The following LRRC7 variants were observed in gnomAD, a reference collection of about 807,000 sequenced individuals.
The protein encoded by LRRC7 is leucine-rich repeat-containing protein 7.
LRRC7 carries 23 observed loss-of-function variants against 175.7 expected under a neutral mutation model. The ratio of observed to expected loss-of-function variants is 0.13; its 90% CI spans 0.09 to 0.19. The LOEUF (loss-of-function observed/expected upper bound fraction) is 0.19, where lower values mean the gene tolerates loss of function less well. Among genes scored for constraint, LRRC7 ranks in the 10% least tolerant of loss-of-function variants. The pLI, the probability that LRRC7 is intolerant of heterozygous loss-of-function variation, is 1.00. For synonymous variants in LRRC7, 685 were observed against 680.9 expected (o/e 1.01, Z -0.09); for missense variants, 1,354 against 1,904.7 (o/e 0.71, Z 5.38).
intron 23 of LRRC7, among the ~76,000 whole-genome samples, chr1:70,069,890 C>A (rs951325567): frequency 6.6e-6 from 1 of 152,118 alleles, no homozygotes; most frequent in African/African-American, 2.4e-5. Context: ...GCTGTTAAAC[C>A]TATTCACTGA....
chr1:69,678,152 T>A (rs1248272573), intron 1 of LRRC7, among the ~76,000 whole-genome samples: 1 of 151,988 alleles, frequency 6.6e-6, no homozygotes, highest in East Asian at 1.9e-4. Flanking sequence ...GTGCATAAGT[T>A]TCATACACAT....
intron 2 of LRRC7, among the ~76,000 whole-genome samples, chr1:69,729,065 C>A (rs1355393247): frequency 2.0e-5 from 3 of 152,152 alleles, no homozygotes; most frequent in Non-Finnish European, 2.9e-5. Context: ...ACCATCAGAT[C>A]TCATGAAAAC....
At position 70,078,196 on chromosome 1, in the gene LRRC7, A is replaced by G. The variant is rs564525503; in HGVS notation, c.4452+1898A>G. Among the ~76,000 whole-genome samples the G allele has an allele frequency of 1.7e-4, 26 of 152,308 alleles. No homozygotes were observed. The South Asian group carries it at 5.4e-3, about 32-fold the overall frequency. On this transcript the variant is annotated intron_variant, in intron 24 of 26. Coordinates refer to ENST00000651989, the MANE Select transcript of LRRC7 (RefSeq NM_001370785.2). ...TATCACATGCACCCCATGAATATAT[A>G]CAAATATCATTATGTATCAATAAAA...
chr1:69,721,233 C>A (rs1194785563), intron 2 of LRRC7, among the ~76,000 whole-genome samples: 1 of 151,832 alleles, frequency 6.6e-6, no homozygotes, highest in Non-Finnish European at 1.5e-5. Context: ...ATAGTTATTA[C>A]TCAAAGTCTG....
At chr1:69,928,516 C>T (rs529371842) in intron 7 of LRRC7, among the ~76,000 whole-genome samples, 44 of 152,294 alleles carry the variant, frequency 2.9e-4, no homozygotes, top group Non-Finnish European at 5.3e-4. Flanking sequence ...CAATGGTGGG[C>T]GCCCCTCCCC....
chr1:69,569,333 T>A (rs1435222350), intron 1 of LRRC7, among the ~76,000 whole-genome samples: 1 of 152,014 alleles, frequency 6.6e-6, no homozygotes, highest in Non-Finnish European at 1.5e-5. Flanking sequence ...GCTAGACAAC[T>A]CCTGCCCACA....
intron 7 of LRRC7, among the ~76,000 whole-genome samples, chr1:69,843,875 C>T (rs1383914771): frequency 6.6e-6 from 1 of 152,096 alleles, no homozygotes. Flanking sequence ...AAATAAATAT[C>T]ATTCTGAACC....
intron 2 of LRRC7, among the ~76,000 whole-genome samples, chr1:69,730,263 T>C (rs985196333): frequency 1.3e-5 from 2 of 152,244 alleles, no homozygotes; most frequent in African/African-American, 2.4e-5. Context: ...TGGTTACTTA[T>C]GTAAATTTCT....
chr1:69,899,577 C>T (rs1208354446), intron 7 of LRRC7, among the ~76,000 whole-genome samples: 2 of 152,196 alleles, frequency 1.3e-5, no homozygotes, highest in Non-Finnish European at 2.9e-5. Flanking sequence ...CTCAGTTCTG[C>T]CATTGTAAGC....
At chr1:69,904,260 AAG>A (rs1433832096) in intron 7 of LRRC7, among the ~76,000 whole-genome samples, 3 of 152,220 alleles carry the variant, frequency 2.0e-5, no homozygotes, top group East Asian at 3.8e-4. Flanking sequence ...CTTACAGAAA[AAG>A]AATTTTTGAG....
At chr1:69,904,714 T>C (rs1646242633) in intron 7 of LRRC7, among the ~76,000 whole-genome samples, 1 of 152,162 alleles carries the variant, frequency 6.6e-6, no homozygotes, top group Non-Finnish European at 1.5e-5. Context: ...TGTGCAGGTT[T>C]GTTATATAAG....
At chr1:69,609,245 C>A (rs1339858470) in intron 1 of LRRC7, among the ~76,000 whole-genome samples, 1 of 151,740 alleles carries the variant, frequency 6.6e-6, no homozygotes, top group African/African-American at 2.4e-5. Context: ...ATGATATACT[C>A]CAGTTATTTA....
chr1:69,944,956 G>A (rs1216023222), intron 8 of LRRC7, among the ~76,000 whole-genome samples: 1 of 151,892 alleles, frequency 6.6e-6, no homozygotes, highest in Non-Finnish European at 1.5e-5. Flanking sequence ...CATTCCATAT[G>A]TTGTCTCTTC....
chr1:69,913,431 A>T (rs976448066), intron 7 of LRRC7, among the ~76,000 whole-genome samples: 34 of 131,898 alleles, frequency 2.6e-4, no homozygotes, highest in Non-Finnish European at 5.1e-4. Context: ...CTGCCATCAG[A>T]CACTAGGTAT....
At chr1:69,590,362 C>A (rs983391085) in intron 1 of LRRC7, among the ~76,000 whole-genome samples, 9 of 152,090 alleles carry the variant, frequency 5.9e-5, no homozygotes, top group Admixed American at 4.6e-4. Flanking sequence ...GTGGTAGGTG[C>A]TCAAACAAGT....
chr1:69,568,975 A>C (rs1645618210), intron 1 of LRRC7, among the ~76,000 whole-genome samples: 1 of 152,118 alleles, frequency 6.6e-6, no homozygotes, highest in Admixed American at 6.5e-5. Flanking sequence ...GTTCCGCTGA[A>C]ATTAGGTTTA....
chr1:70,114,659 G>T lies in LRRC7; in HGVS notation c.4620+6833G>T, dbSNP rs370740582. ...GCTATGATAGAGCCATTGCACTCCA[G>T]CCTGGGTTACAGAATGAGAACCCAT... is the stretch of plus-strand genomic sequence containing the variant. On this transcript the variant is annotated intron_variant, in intron 26 of 26. Transcript: ENST00000651989. 2.6e-5 allele frequency among the ~76,000 whole-genome samples: 4 copies of T among 152,208 alleles called. No individual in the cohort carries two copies. In the East Asian group the frequency reaches 7.7e-4, roughly 29 times the overall value.
At chr1:69,617,547 T>TTAA (rs763727001) in intron 1 of LRRC7, among the ~76,000 whole-genome samples, 1 of 62,006 alleles carries the variant, frequency 1.6e-5, no homozygotes, top group African/African-American at 6.1e-5. Flanking sequence ...ATACTCACAG[T>TTAA]AAAAAAAAAA....
At chr1:69,907,372 A>G (rs1482819594) in intron 7 of LRRC7, among the ~76,000 whole-genome samples, 1 of 152,194 alleles carries the variant, frequency 6.6e-6, no homozygotes, top group Non-Finnish European at 1.5e-5. Flanking sequence ...GTTTTTGCCC[A>G]TTCAGTATGA....
Sources: gnomAD v4.1 joint callset for allele counts (sites outside exome capture counted in the v4.1 genomes callset) on GRCh38, gnomAD v4.1.1 for gene constraint, MANE v1.5 for transcripts, NCBI Gene and HGNC (gene_info 2026-07-23, HGNC 2026-07-21) for gene names.